PIK3C2A: variants seen among roughly 807,000 people sequenced by gnomAD.
PIK3C2A encodes the protein phosphatidylinositol 4-phosphate 3-kinase C2 domain-containing subunit alpha.
Under a neutral mutation model 204.5 loss-of-function variants are expected in PIK3C2A, and 97 were observed. That is an observed-to-expected ratio of 0.47 (90% CI 0.40 to 0.56). The LOEUF (loss-of-function observed/expected upper bound fraction) is 0.56. Among genes scored for constraint, PIK3C2A ranks in the 20% least tolerant of loss-of-function variants. The probability of loss-of-function intolerance (pLI) is 0.00; values close to 1 mark genes in which losing one functional copy is unlikely to be tolerated. For synonymous variants in PIK3C2A, 653 were observed against 664.4 expected (o/e 0.98, Z 0.26); for missense variants, 1,735 against 1,969.2 (o/e 0.88, Z 2.25).
Position 17,169,511 on chromosome 11 carries a change from C to T in PIK3C2A, c.231G>A (p.Val77=). ...TTTTTTGGGAATCTGATTCAGGAAACACCATGAGATCATAATCCTGCTTGT... is the reference window on the plus strand; with the variant it reads ...TTTTTTGGGAATCTGATTCAGGAAATACCATGAGATCATAATCCTGCTTGT... The part of the protein sequence containing the change: ...VYNKQDYDLM[V]FPESDSQKRA... Residue 77 remains valine, a synonymous_variant, in exon 2 of 33, where the codon GTG becomes GTA. Transcript: ENST00000691414. The T allele has an allele frequency of 6.2e-7, 1 of 1,613,968 alleles. No homozygotes were observed. Among genetic ancestry groups the T allele is most frequent in the South Asian group, 1.1e-5 (1 of 91,062 alleles).
intron 1 of PIK3C2A, among the ~76,000 whole-genome samples, chr11:17,196,662 C>T (rs973013677): frequency 2.0e-5 from 3 of 152,060 alleles, no homozygotes; most frequent in Non-Finnish European, 4.4e-5. Context: ...CTCCGCCTCC[C>T]GGGTTCACGC....
intron 1 of PIK3C2A, among the ~76,000 whole-genome samples, chr11:17,184,924 G>C (rs1424192853): frequency 1.3e-5 from 2 of 152,048 alleles, no homozygotes; most frequent in Non-Finnish European, 2.9e-5. Flanking sequence ...CTGATCAACA[G>C]AGTGAGACTG....
chr11:17,155,468 C>A (rs1407396947), intron 3 of PIK3C2A, 58 bp downstream of exon 3: 1 of 930,620 alleles, frequency 1.1e-6, no homozygotes, highest in Non-Finnish European at 1.7e-6. Flanking sequence ...ATTATTAGCA[C>A]TAAACTGGTT....
At chr11:17,116,411 G>A (rs1405316498) in intron 19 of PIK3C2A, among the ~76,000 whole-genome samples, 4 of 152,064 alleles carry the variant, frequency 2.6e-5, no homozygotes, top group Admixed American at 2.0e-4. Flanking sequence ...GTGAGGATGT[G>A]GTGAAACTGG....
chr11:17,132,491 G>A (rs903822144), intron 11 of PIK3C2A, among the ~76,000 whole-genome samples: 11 of 151,012 alleles, frequency 7.3e-5, no homozygotes, highest in African/African-American at 1.7e-4. Flanking sequence ...CACCGCGCCC[G>A]GCTAATTTTT....
intron 13 of PIK3C2A, among the ~76,000 whole-genome samples, chr11:17,125,841 A>G (rs1849505654): frequency 6.6e-6 from 1 of 152,024 alleles, no homozygotes; most frequent in Non-Finnish European, 1.5e-5. Context: ...CATATCAATT[A>G]CTGCTAGGCA....
chr11:17,133,525 T>C (rs938082049), intron 11 of PIK3C2A, among the ~76,000 whole-genome samples: 1 of 152,164 alleles, frequency 6.6e-6, no homozygotes, highest in Non-Finnish European at 1.5e-5. Flanking sequence ...TAAGCAAAAC[T>C]TAGGTTTGAT....
intron 2 of PIK3C2A, among the ~76,000 whole-genome samples, chr11:17,158,270 C>T (rs917449627): frequency 6.6e-5 from 10 of 151,692 alleles, no homozygotes; most frequent in African/African-American, 2.4e-4. Flanking sequence ...ATCACTTGAA[C>T]CCGGGAGGCG....
chr11:17,118,573 G>A, intron 18 of PIK3C2A, 72 bp downstream of exon 18: 1 of 730,738 alleles, frequency 1.4e-6, no homozygotes, highest in Non-Finnish European at 2.4e-6. Flanking sequence ...ATACCATTTA[G>A]ACTTACAGGG....
chr11:17,109,339 C>T (rs1848924543), intron 22 of PIK3C2A, among the ~76,000 whole-genome samples: 1 of 152,138 alleles, frequency 6.6e-6, no homozygotes. Context: ...TATATTCTTA[C>T]CATTTTATAG....
intron 22 of PIK3C2A, among the ~76,000 whole-genome samples, chr11:17,109,258 G>A (rs1848920745): frequency 6.6e-6 from 1 of 152,168 alleles, no homozygotes; most frequent in South Asian, 2.1e-4. Context: ...AACTTTTAGA[G>A]CTTTCAGCTT....
intron 2 of PIK3C2A, among the ~76,000 whole-genome samples, chr11:17,157,034 G>A (rs933378526): frequency 2.6e-5 from 4 of 152,018 alleles, no homozygotes; most frequent in African/African-American, 7.2e-5. Context: ...TAACTAAAAC[G>A]ATAATAGGAC....
At chr11:17,114,510 GATCT>G in intron 19 of PIK3C2A, 45 bp from the exon 20 acceptor site, 3 of 879,770 alleles carry the variant, frequency 3.4e-6, no homozygotes, top group Non-Finnish European at 3.8e-6. Context: ...TGAAAATGAA[GATCT>G]ATTTTTCAGA....
At chr11:17,148,392 A>G (rs748374390) in intron 5 of PIK3C2A, 9 of 327,958 alleles carry the variant, frequency 2.7e-5, no homozygotes, top group Middle Eastern at 9.5e-4. Flanking sequence ...AAGACCCATT[A>G]TATCACTTAT....
chr11:17,188,118 A>G (rs1851817533), intron 1 of PIK3C2A, among the ~76,000 whole-genome samples: 1 of 152,084 alleles, frequency 6.6e-6, no homozygotes, highest in East Asian at 1.9e-4. Flanking sequence ...TGGGTGGATC[A>G]CTTGAGGTCA....
rs541473140 is a variant in PIK3C2A at position 17,101,712 on chromosome 11, T to A, written c.3852-278A>T. ...TCCGCCTCCTGGGTTCATGACATTC[T>A]CCTGCCTCAGCCTCCCGAGTAGCCG... On this transcript the variant is annotated intron_variant, in intron 24 of 32. Transcript: ENST00000691414. Among the ~76,000 whole-genome samples the A allele has an allele frequency of 4.6e-5, 7 of 151,562 alleles. 1 individual carries two copies. The highest frequency in any genetic ancestry group is 4.6e-4 in the Admixed American group (7 of 15,184).
intron 1 of PIK3C2A, among the ~76,000 whole-genome samples, chr11:17,193,738 C>T (rs539026973): frequency 2.0e-5 from 3 of 150,862 alleles, no homozygotes; most frequent in African/African-American, 4.9e-5. Flanking sequence ...CCCAGCTACT[C>T]GGGAGGCTGC....
chr11:17,091,973 A>G (rs1848323891), intron 30 of PIK3C2A, 23 bp downstream of exon 30: 1 of 1,487,806 alleles, frequency 6.7e-7, no homozygotes, highest in East Asian at 2.3e-5. Context: ...AGTTACCAAT[A>G]AAGAGAAAAA....
intron 22 of PIK3C2A, among the ~76,000 whole-genome samples, chr11:17,107,942 G>A (rs1022611426): frequency 6.6e-6 from 1 of 152,198 alleles, no homozygotes; most frequent in South Asian, 2.1e-4. Context: ...CGCCACCTGG[G>A]CTCACTGCAA....
Sources: gnomAD v4.1 joint callset for allele counts (sites outside exome capture counted in the v4.1 genomes callset) on GRCh38, gnomAD v4.1.1 for gene constraint, MANE v1.5 for transcripts, NCBI Gene and HGNC (gene_info 2026-07-23, HGNC 2026-07-21) for gene names.